Variants in TCF4 observed in about 807,000 individuals in gnomAD.
TCF4 encodes the protein SL3-3 enhancer factor 2.
TCF4 carries 3 observed loss-of-function variants against 82.1 expected under a neutral mutation model. The ratio of observed to expected loss-of-function variants is 0.04; its 90% CI spans 0.02 to 0.09. The LOEUF (loss-of-function observed/expected upper bound fraction) is 0.09. TCF4 is among the 10% of genes least tolerant of loss of function. The probability of loss-of-function intolerance (pLI) is 1.00; values close to 1 mark genes in which losing one functional copy is unlikely to be tolerated. For missense variants in TCF4, 518 were observed against 852.7 expected, an observed-to-expected ratio of 0.61 and a Z score of 4.89; for synonymous variants, 276 against 309.6, an observed-to-expected ratio of 0.89 and a Z score of 1.14.
At chr18:55,258,346 C>T (rs2057340035) in intron 13 of TCF4, among the ~76,000 whole-genome samples, 1 of 152,126 alleles carries the variant, frequency 6.6e-6, no homozygotes, top group Non-Finnish European at 1.5e-5. Flanking sequence ...TGATGCATTA[C>T]CAAGACCCAA....
intron 3 of TCF4, among the ~76,000 whole-genome samples, chr18:55,526,225 T>C (rs2096982178): frequency 6.6e-6 from 1 of 152,168 alleles, no homozygotes; most frequent in African/African-American, 2.4e-5. Context: ...ACTGCTCACA[T>C]CACACTTGCC....
chr18:55,318,375 C>T (rs1056135603), intron 8 of TCF4, among the ~76,000 whole-genome samples: 2 of 151,798 alleles, frequency 1.3e-5, no homozygotes, highest in African/African-American at 4.8e-5. Context: ...CTTGTATTTC[C>T]AACACAAAAT....
chr18:55,589,263 AAC>A (rs2097678651), upstream of TCF4: 3 of 1,050,614 alleles, frequency 2.9e-6, no homozygotes, highest in Non-Finnish European at 3.4e-6. Flanking sequence ...TTCAATTACA[AAC>A]AGTTTACTCT....
chr18:55,463,975 T>TGA (rs1190208490), intron 4 of TCF4, 101 bp downstream of exon 4: 71 of 234,832 alleles, frequency 3.0e-4, no homozygotes, highest in Admixed American at 6.2e-4. Context: ...TGTGTGTGTG[T>TGA]GTGAGAGAGA....
At chr18:55,297,632 C>G in intron 8 of TCF4, among the ~76,000 whole-genome samples, 1 of 152,150 alleles carries the variant, frequency 6.6e-6, no homozygotes, top group East Asian at 1.9e-4. Context: ...CTGGCATCCT[C>G]TTTCCTCAAT....
intron 6 of TCF4, among the ~76,000 whole-genome samples, chr18:55,393,031 AT>A: frequency 6.6e-6 from 1 of 152,308 alleles, no homozygotes; most frequent in South Asian, 2.1e-4. Context: ...ATAAAAAACT[AT>A]TTTGCAGACA....
intron 3 of TCF4, among the ~76,000 whole-genome samples, chr18:55,562,101 T>C (rs1414075757): frequency 6.6e-6 from 1 of 152,196 alleles, no homozygotes; most frequent in Non-Finnish European, 1.5e-5. Flanking sequence ...ACAGTAATGC[T>C]CATTGGTTTC....
chr18:55,393,179 C>A (rs994157463), intron 6 of TCF4, among the ~76,000 whole-genome samples: 1 of 152,082 alleles, frequency 6.6e-6, no homozygotes, highest in Non-Finnish European at 1.5e-5. Context: ...GCCTGGACAA[C>A]AACGTGAGAC....
chr18:55,550,683 C>G (rs1789659506), intron 3 of TCF4: 2 of 152,202 alleles, frequency 1.3e-5, no homozygotes, highest in South Asian at 2.1e-4. Context: ...GCCAACTACA[C>G]TGGGCGCATG....
chr18:55,607,387 T>G (rs773471374), intron 2 of TCF4, among the ~76,000 whole-genome samples: 4 of 152,190 alleles, frequency 2.6e-5, no homozygotes, highest in Non-Finnish European at 4.4e-5. Context: ...AAGGTGTGTA[T>G]AAGGTGGAGT....
chr18:55,426,118 TAC>T (rs58725679), intron 5 of TCF4, among the ~76,000 whole-genome samples: 41,651 of 144,624 alleles, frequency 0.29, 6,153 homozygotes, highest in East Asian at 0.47. Context: ...TATATATATA[TAC>T]ACACACACAC....
intron 6 of TCF4, among the ~76,000 whole-genome samples, chr18:55,366,909 G>A (rs8092679): frequency 0.052 from 7,891 of 151,996 alleles, 271 homozygotes; most frequent in African/African-American, 0.097. Flanking sequence ...ATTTCCATAC[G>A]TATATAAGCA....
intron 3 of TCF4, chr18:55,495,548 A>C (rs2096625515): frequency 6.6e-6 from 1 of 152,172 alleles, no homozygotes; most frequent in South Asian, 2.1e-4. Context: ...TAGTTATTAA[A>C]AGAAAAATGT....
At chr18:55,634,514 T>G (rs2097734380) in intron 1 of TCF4, among the ~76,000 whole-genome samples, 1 of 152,140 alleles carries the variant, frequency 6.6e-6, no homozygotes, top group African/African-American at 2.4e-5. Flanking sequence ...TTCTTTCCAT[T>G]TCAAAAAGAA....
At chr18:55,572,489 T>C (rs2097482917) in intron 3 of TCF4, among the ~76,000 whole-genome samples, 3 of 151,962 alleles carry the variant, frequency 2.0e-5, no homozygotes, top group Admixed American at 2.0e-4. Context: ...CCAGGATTTG[T>C]AAAAAGGGGA....
chr18:55,254,719 T>G lies in TCF4; in HGVS notation c.1147-19A>C. 1 of 1,592,002 alleles carries G rather than the reference T, an allele frequency of 6.3e-7. No individual in the cohort carries two copies. Among genetic ancestry groups the G allele is most frequent in the African/African-American group, 1.3e-5 (1 of 74,702 alleles). ...GGCTTTGCTGTTGGTTAACAAATGA[T>G]GTAAAATTTGATTTAGTTCAAAAGG... On this transcript the variant is annotated intron_variant, in intron 14 of 19. Coordinates refer to ENST00000354452, the MANE Select transcript of TCF4 (RefSeq NM_001083962.2).
chr18:55,273,395 T>G (rs1054750239), intron 10 of TCF4, among the ~76,000 whole-genome samples: 2 of 152,174 alleles, frequency 1.3e-5, no homozygotes, highest in African/African-American at 4.8e-5. Context: ...TTGTTCAGTA[T>G]GGGGCTAGCC....
chr18:55,356,215 G>C (rs1455985595), intron 6 of TCF4, among the ~76,000 whole-genome samples: 1 of 152,094 alleles, frequency 6.6e-6, no homozygotes, highest in Non-Finnish European at 1.5e-5. Flanking sequence ...CAAAAGTTAT[G>C]AGTGATCATT....
chr18:55,448,369 T>C (rs2095562340), intron 5 of TCF4, among the ~76,000 whole-genome samples: 1 of 152,214 alleles, frequency 6.6e-6, no homozygotes, highest in African/African-American at 2.4e-5. Flanking sequence ...CCTACACCAA[T>C]TATTAATTAT....
Sources: allele counts gnomAD v4.1 joint callset (sites outside exome capture counted in the v4.1 genomes callset), GRCh38; gene constraint gnomAD v4.1.1; transcripts MANE v1.5; gene names NCBI Gene and HGNC (gene_info 2026-07-23, HGNC 2026-07-21).